Variants in RABGAP1L observed in about 807,000 individuals in gnomAD.
RABGAP1L encodes rab GTPase-activating protein 1-like.
RABGAP1L carries 63 observed loss-of-function variants against 137.7 expected under a neutral mutation model. The observed-to-expected ratio is 0.46, with a 90% CI of 0.37 to 0.56. The LOEUF is 0.56. Among genes scored for constraint, RABGAP1L ranks in the 20% least tolerant of loss-of-function variants. RABGAP1L has a pLI of 0.00. For missense variants in RABGAP1L, 1,095 were observed against 1,244.0 expected, an observed-to-expected ratio of 0.88 and a Z score of 1.80; for synonymous variants, 431 against 433.7, an observed-to-expected ratio of 0.99 and a Z score of 0.08.
intron 13 of RABGAP1L, among the ~76,000 whole-genome samples, chr1:174,529,769 G>A (rs1476614631): frequency 6.6e-6 from 1 of 152,148 alleles, no homozygotes; most frequent in Middle Eastern, 3.2e-3. Context: ...TTCATATTGG[G>A]TTGCTGCAAT....
chr1:174,830,844 T>C lies in RABGAP1L; in HGVS notation c.2340+18884T>C, dbSNP rs181473969. Reference sequence around the variant, plus strand: ...AATGAATGAGTGAACCTGGCATCAGTTTAGGGTCTCTGATAGCAGAAACAG... The same window carrying C: ...AATGAATGAGTGAACCTGGCATCAGCTTAGGGTCTCTGATAGCAGAAACAG... On this transcript the variant is annotated intron_variant, in intron 19 of 25. Coordinates refer to ENST00000681986, the MANE Select transcript of RABGAP1L (RefSeq NM_001366446.1). Among the ~76,000 whole-genome samples, 8 of 147,872 alleles carry C rather than the reference T, an allele frequency of 5.4e-5. 1 individual carries two copies. The East Asian group carries it at 1.7e-3, about 31-fold the overall frequency.
At chr1:174,615,873 C>G (rs1199302725) in intron 13 of RABGAP1L, among the ~76,000 whole-genome samples, 1 of 152,194 alleles carries the variant, frequency 6.6e-6, no homozygotes, top group Non-Finnish European at 1.5e-5. Flanking sequence ...GGTGTAGGAC[C>G]CTCCGAGCCA....
In RABGAP1L at chr1:174,323,344, A is replaced by G. The variant is rs144637726; in HGVS notation, c.1465+18217A>G. Among the ~76,000 whole-genome samples the G allele has an allele frequency of 7.9e-5, 12 of 152,268 alleles. No individual in the cohort carries two copies. In the East Asian group the frequency reaches 1.4e-3, roughly 17 times the overall value. On this transcript the variant is annotated intron_variant, in intron 11 of 25. Coordinates refer to ENST00000681986, the MANE Select transcript of RABGAP1L (RefSeq NM_001366446.1). Reference sequence around the variant, plus strand: ...GGGATAATAAACAAAATTCAAATCTATGTAAATCTCACCTGAAAGCCCATG... The same window carrying G: ...GGGATAATAAACAAAATTCAAATCTGTGTAAATCTCACCTGAAAGCCCATG...
At chr1:174,450,323 T>G (rs947931223) in intron 13 of RABGAP1L, among the ~76,000 whole-genome samples, 1 of 152,212 alleles carries the variant, frequency 6.6e-6, no homozygotes, top group African/African-American at 2.4e-5. Flanking sequence ...ATTTGTGTGA[T>G]ATGCGTTTGC....
chr1:174,328,990 A>G (rs1680788040), intron 11 of RABGAP1L, among the ~76,000 whole-genome samples: 2 of 151,862 alleles, frequency 1.3e-5, no homozygotes. Context: ...GGAAGGAAAG[A>G]AATAATAAGG....
At chr1:174,947,739 C>T (rs765992069) in intron 19 of RABGAP1L, among the ~76,000 whole-genome samples, 18 of 152,110 alleles carry the variant, frequency 1.2e-4, no homozygotes, top group Non-Finnish European at 2.2e-4. Flanking sequence ...AATTTCTAAA[C>T]CACCTCAAAT....
intron 13 of RABGAP1L, among the ~76,000 whole-genome samples, chr1:174,598,482 T>A (rs899262391): frequency 6.6e-6 from 1 of 152,228 alleles, no homozygotes; most frequent in Non-Finnish European, 1.5e-5. Flanking sequence ...CTGGATGATC[T>A]GTCCAGTGCT....
At chr1:174,167,246 A>G (rs971672897) in intron 1 of RABGAP1L, among the ~76,000 whole-genome samples, 1 of 152,202 alleles carries the variant, frequency 6.6e-6, no homozygotes, top group Admixed American at 6.5e-5. Flanking sequence ...AGTTTTCACG[A>G]ATTGAGGTTA....
intron 14 of RABGAP1L, among the ~76,000 whole-genome samples, chr1:174,645,659 A>T (rs1470562673): frequency 6.6e-6 from 1 of 152,134 alleles, no homozygotes; most frequent in Non-Finnish European, 1.5e-5. Flanking sequence ...TGCTATTGTG[A>T]ATAGTGCTGC....
intron 11 of RABGAP1L, among the ~76,000 whole-genome samples, chr1:174,325,217 A>G (rs1680332509): frequency 6.6e-6 from 1 of 152,218 alleles, no homozygotes; most frequent in Admixed American, 6.5e-5. Flanking sequence ...AGTTTTTTCA[A>G]CAAAGGCATG....
chr1:174,368,384 C>T (rs537631594), intron 11 of RABGAP1L, among the ~76,000 whole-genome samples: 1 of 152,286 alleles, frequency 6.6e-6, no homozygotes, highest in South Asian at 2.1e-4. Flanking sequence ...ATTAACTTAG[C>T]ATCTTAATAA....
At chr1:174,227,078 C>G (rs1256297895) in intron 3 of RABGAP1L, among the ~76,000 whole-genome samples, 2 of 151,876 alleles carry the variant, frequency 1.3e-5, no homozygotes, top group Non-Finnish European at 2.9e-5. Flanking sequence ...GTCAAAAAAT[C>G]TGTGGAAGGT....
At chr1:174,266,106 T>A (rs183157163) in intron 7 of RABGAP1L, among the ~76,000 whole-genome samples, 5 of 152,296 alleles carry the variant, frequency 3.3e-5, no homozygotes, top group Admixed American at 3.3e-4. Context: ...GATAAATAGC[T>A]ATAGAGTACC....
In RABGAP1L at chr1:174,833,447, G is replaced by GATATATATATATATATATATGTGT. The variant is rs1275423217; in HGVS notation, c.2340+21488_2340+21489insTATATATATATATATATATGTGTA. The stretch of plus-strand genomic sequence containing the variant: ...GTATATATATATGTGTGTGTGTGTA[G>GATATATATATATATATATATGTGT]AGATATATATATATATATATAGTAG... On this transcript the variant is annotated intron_variant, in intron 19 of 25. Transcript: ENST00000681986. Among the ~76,000 whole-genome samples, 2 of 16,922 alleles carry GATATATATATATATATATATGTGT rather than the reference G, an allele frequency of 1.2e-4. 1 individual carries two copies. Among genetic ancestry groups the GATATATATATATATATATATGTGT allele is most frequent in the Non-Finnish European group, 1.0e-3 (2 of 1,924 alleles). The allele number at this position is 16,922 out of a possible 152,430, so 11.1% of individuals were successfully genotyped here.
chr1:174,410,103 C>T (rs1649745605), intron 13 of RABGAP1L, among the ~76,000 whole-genome samples: 1 of 152,150 alleles, frequency 6.6e-6, no homozygotes, highest in Non-Finnish European at 1.5e-5. Flanking sequence ...TTAATAAAAA[C>T]CTACTGGTTT....
chr1:174,609,433 C>G (rs554172358), intron 13 of RABGAP1L, among the ~76,000 whole-genome samples: 20 of 152,206 alleles, frequency 1.3e-4, no homozygotes, highest in Admixed American at 2.6e-4. Flanking sequence ...CATTGTTCCT[C>G]ATGACATACA....
At chr1:174,546,212 A>AT (rs1304159204) in intron 13 of RABGAP1L, among the ~76,000 whole-genome samples, 1 of 152,204 alleles carries the variant, frequency 6.6e-6, no homozygotes, top group African/African-American at 2.4e-5. Context: ...AACTGGAAAA[A>AT]TTTCACATCT....
Position 174,761,063 on chromosome 1 carries a change from C to A in RABGAP1L, c.2211+8709C>A, listed in dbSNP as rs2148702292. ...TGATAAAGACATACACAAGACTGGG[C>A]AATTTATAAAAGAAAGAGGTTTAAT... On this transcript the variant is annotated intron_variant, in intron 18 of 25. Coordinates refer to ENST00000681986, the MANE Select transcript of RABGAP1L (RefSeq NM_001366446.1). The surrounding 1 kb of genome is among the most constrained non-coding windows in gnomAD (Gnocchi z 4.0). 6.6e-6 allele frequency among the ~76,000 whole-genome samples: 1 copy of A among 152,200 alleles called. No individual in the cohort carries two copies. The highest frequency in any genetic ancestry group is 1.5e-5 in the Non-Finnish European group (1 of 68,024).
intron 13 of RABGAP1L, among the ~76,000 whole-genome samples, chr1:174,453,357 A>G (rs1571880438): frequency 6.6e-6 from 1 of 152,248 alleles, no homozygotes; most frequent in Non-Finnish European, 1.5e-5. Flanking sequence ...TGCTCCATAG[A>G]TAACATAAAT....
Sources: gnomAD v4.1 joint callset for allele counts (sites outside exome capture counted in the v4.1 genomes callset) on GRCh38, gnomAD v4.1.1 for gene constraint, Gnocchi (gnomAD v3.1) non-coding constraint, MANE v1.5 for transcripts, NCBI Gene and HGNC (gene_info 2026-07-23, HGNC 2026-07-21) for gene names.